BAZ2A: variants seen among roughly 807,000 people sequenced by gnomAD.
BAZ2A encodes the protein bromodomain adjacent to zinc finger domain protein 2A.
In BAZ2A, 34 loss-of-function variants were observed where a neutral mutation model predicts 199.9. That is an observed-to-expected ratio of 0.17 (90% confidence interval 0.13 to 0.23). The LOEUF is 0.23. Among genes scored for constraint, BAZ2A ranks in the 10% least tolerant of loss-of-function variants. The pLI is 1.00. For synonymous variants in BAZ2A, 857 were observed against 883.9 expected (o/e 0.97, Z 0.54); for missense variants, 2,002 against 2,391.1 (o/e 0.84, Z 3.39).
chr12:56,621,080 T>G (rs1361861205), intron 1 of BAZ2A: 2 of 985,328 alleles, frequency 2.0e-6, no homozygotes. Flanking sequence ...CAATTTCATC[T>G]GATCCTCACC....
At chr12:56,636,708 CT>C, upstream of BAZ2A, 1 of 154,174 alleles carries the variant, frequency 6.5e-6, no homozygotes, top group Non-Finnish European at 1.4e-5. Flanking sequence ...TACCCTAGGG[CT>C]TTTTCTACCA....
Position 56,599,811 on chromosome 12 carries a change from A to C in BAZ2A, c.5063T>G (p.Phe1688Cys). 2.5e-6 allele frequency: 4 copies of C among 1,613,962 alleles called. No individual in the cohort carries two copies. The highest frequency in any genetic ancestry group is 3.4e-6 in the Non-Finnish European group (4 of 1,179,864). Residue 1688 changes from phenylalanine to cysteine, a missense_variant, in exon 26 of 29, where the codon TTT (phenylalanine) becomes TGT (cysteine). Around this residue, in one of 6 missense-constraint regions of BAZ2A, gnomAD observed 1,081 missense variants for 1,274.7 expected, o/e 0.85. Transcript: ENST00000549884. ...LVCRKGDNDE[F>C]LLLCDGCDRG... ...GTCACACCCATCACAAAGCAGAAGAAACTCATCATTGTCACCCTTCCGGCA... is the reference window on the plus strand; with the variant it reads ...GTCACACCCATCACAAAGCAGAAGACACTCATCATTGTCACCCTTCCGGCA...
intron 2 of BAZ2A, 109 bp from the exon 3 acceptor site, chr12:56,615,716 G>A: frequency 2.2e-6 from 2 of 900,112 alleles, no homozygotes; most frequent in African/African-American, 3.4e-5. Flanking sequence ...GTAAAGGGAA[G>A]GGGGATTCCT....
In BAZ2A at chr12:56,601,020, A is replaced by T; in HGVS notation, c.4373T>A (p.Ile1458Asn). 6.2e-7 allele frequency: 1 copy of T among 1,610,756 alleles called. No homozygotes were observed. Among genetic ancestry groups the T allele is most frequent in the Non-Finnish European group, 8.5e-7 (1 of 1,178,538 alleles). Residue 1458 changes from isoleucine to asparagine, a missense_variant, in exon 22 of 29, where the codon ATC (isoleucine) becomes AAC (asparagine). Around this residue, in one of 6 missense-constraint regions of BAZ2A, gnomAD observed 1,081 missense variants for 1,274.7 expected, o/e 0.85. Transcript: ENST00000549884. ...AMLKALHPRG[I>N]REKALHKHLN... ...GTGTTTGTGAAGTGCCTTCTCCCGG[A>T]TACCTCGGGGGTGTAGGGCCTTGAG...
chr12:56,596,340 A>AG lies in BAZ2A; in HGVS notation c.*2277dup, dbSNP rs1482113449. 1 of 152,684 alleles carries AG rather than the reference A, an allele frequency of 6.5e-6. No individual in the cohort carries two copies. The highest frequency in any genetic ancestry group is 1.5e-5 in the Non-Finnish European group (1 of 68,056). The allele number at this position is 152,684 out of a possible 1,614,324, so 9.5% of individuals were successfully genotyped here. Reference sequence around the variant, plus strand: ...ATGAAGAGAAAATCCACCTAGCTCAAGGGGGCAGTGAAGATGAGGAAAGAA... The same window carrying AG: ...ATGAAGAGAAAATCCACCTAGCTCAAGGGGGGCAGTGAAGATGAGGAAAGAA... On this transcript the variant is annotated 3_prime_UTR_variant, in exon 29 of 29. Transcript: ENST00000549884.
At position 56,600,521 on chromosome 12, in the gene BAZ2A, T is replaced by C. The variant is rs201701011; in HGVS notation, c.4603-31A>G. 3.8e-6 allele frequency: 6 copies of C among 1,587,318 alleles called. No individual in the cohort carries two copies. The East Asian group carries it at 1.3e-4, about 36-fold the overall frequency. Reference sequence around the variant, plus strand: ...GTTAAGAGAGAGGAATAAAACTCACTGTAAAAGGAGGAAAATTTGGCATAG... The same window carrying C: ...GTTAAGAGAGAGGAATAAAACTCACCGTAAAAGGAGGAAAATTTGGCATAG... On this transcript the variant is annotated intron_variant, in intron 23 of 28. Coordinates refer to ENST00000549884, the MANE Select transcript of BAZ2A (RefSeq NM_001300905.2).
At chr12:56,632,322 T>A (rs978665292), upstream of BAZ2A, among the ~76,000 whole-genome samples, 1 of 151,990 alleles carries the variant, frequency 6.6e-6, no homozygotes, top group African/African-American at 2.4e-5. Context: ...GGGATGGGGG[T>A]GTGGGTAAGG....
chr12:56,637,963 T>C (rs74091604), upstream of BAZ2A, among the ~76,000 whole-genome samples: 543 of 152,282 alleles, frequency 3.6e-3, 3 homozygotes, highest in African/African-American at 0.012. Context: ...ATAGCCACTC[T>C]AAAAATCTAA....
In BAZ2A at chr12:56,605,965, C is replaced by A. The variant is rs763032273; in HGVS notation, c.2358G>T (p.Val786=). The change falls in exon 13 of 29, where the codon GTG becomes GTT. Residue 786 remains valine (V), a synonymous_variant. Coordinates refer to ENST00000549884, the MANE Select transcript of BAZ2A (RefSeq NM_001300905.2). ...CTTTACAGGCTGGCTTGGCTTTGGT[C>A]ACCTCCTCCTTTTCCTTCATTTTTA... ...EKVKMKEKEE[V]TKAKPACKAD... is the part of the protein sequence containing the mutation. 4.5e-6 allele frequency: 7 copies of A among 1,554,506 alleles called. No individual in the cohort carries two copies. The South Asian group carries it at 8.3e-5, about 18-fold the overall frequency.
rs895425970 is a variant in BAZ2A at position 56,595,608 on chromosome 12, G to GTGTC, written c.*3006_*3009dup. 2.0e-5 allele frequency: 3 copies of GTGTC among 151,502 alleles called. No homozygotes were observed. The highest frequency in any genetic ancestry group is 7.3e-5 in the African/African-American group (3 of 41,236). The allele number at this position is 151,502 out of a possible 1,614,324, so 9.4% of individuals were successfully genotyped here. A position where few individuals can be genotyped will look rare whatever the true frequency, so the allele number is the denominator to read the frequency against. On this transcript the variant is annotated 3_prime_UTR_variant, in exon 29 of 29. Transcript: ENST00000549884. ...ATAAAACACAAAAGTCTACGTCTTG[G>GTGTC]TGTCTTATCCGTGAGTGGGAAGTGG...
At chr12:56,629,625 G>A (rs1951228157) in intron 1 of BAZ2A, among the ~76,000 whole-genome samples, 4 of 152,064 alleles carry the variant, frequency 2.6e-5, no homozygotes, top group African/African-American at 9.7e-5. Context: ...TGCGCTCCCC[G>A]AGGGAGACAC....
intron 1 of BAZ2A, among the ~76,000 whole-genome samples, chr12:56,626,578 T>G (rs1951102517): frequency 6.6e-6 from 1 of 152,222 alleles, no homozygotes; most frequent in South Asian, 2.1e-4. Context: ...TTTTCTTTCA[T>G]CGAGAAGCTT....
At chr12:56,631,098 A>C (rs968156146), upstream of BAZ2A, among the ~76,000 whole-genome samples, 13 of 152,166 alleles carry the variant, frequency 8.5e-5, no homozygotes, top group Admixed American at 6.5e-5. Context: ...CTGTCACCTA[A>C]AATGTCCACT....
At chr12:56,600,118 C>T in intron 24 of BAZ2A, 22 bp from the exon 25 acceptor site, 1 of 1,613,564 alleles carries the variant, frequency 6.2e-7, no homozygotes, top group South Asian at 1.1e-5. Context: ...AAGTGGTGAT[C>T]TTTGGAGAAG....
chr12:56,625,834 CCACTGCACTCCAGCCTGGGCGA>C (rs1951076815), intron 1 of BAZ2A, among the ~76,000 whole-genome samples: 1 of 147,156 alleles, frequency 6.8e-6, no homozygotes, highest in South Asian at 2.2e-4. Context: ...CGAGATCGCG[CCACTGCACTCCAGCCTGGGCGA>C]CACAGCGAAA....
At chr12:56,627,504 A>G (rs2137338874) in intron 1 of BAZ2A, among the ~76,000 whole-genome samples, 1 of 150,586 alleles carries the variant, frequency 6.6e-6, no homozygotes, top group Middle Eastern at 3.4e-3. Flanking sequence ...ACAAAACTTT[A>G]TCTTTCAAAA....
In BAZ2A at chr12:56,597,623, C is replaced by T. The variant is rs935195709; in HGVS notation, c.*995G>A. The T allele has an allele frequency of 6.9e-5, 7 of 101,294 alleles. No homozygotes were observed. The highest frequency in any genetic ancestry group is 3.1e-4 in the South Asian group (1 of 3,234). The allele number at this position is 101,294 out of a possible 1,614,324, so 6.3% of individuals were successfully genotyped here. On this transcript the variant is annotated 3_prime_UTR_variant, in exon 29 of 29. Transcript: ENST00000549884. ...CTGACACACACACACACACACACAG[C>T]GCGCTCTGAGGCCGACACACACACA...
chr12:56,617,266 A>C, intron 2 of BAZ2A, 129 bp downstream of exon 2: 1 of 1,136,348 alleles, frequency 8.8e-7, no homozygotes, highest in Non-Finnish European at 1.2e-6. Flanking sequence ...GTTTCCAAAA[A>C]ACCCTAGAAC....
chr12:56,611,305 G>A, intron 7 of BAZ2A: 2 of 545,690 alleles, frequency 3.7e-6, no homozygotes, highest in Non-Finnish European at 6.5e-6. Context: ...CTAGGGTTTG[G>A]AAAAGATAAT....
Sources: gnomAD v4.1 joint callset for allele counts (sites outside exome capture counted in the v4.1 genomes callset) on GRCh38, gnomAD v4.1.1 for gene constraint, gnomAD v4.1.1 regional missense constraint, MANE v1.5 for transcripts, NCBI Gene and HGNC (gene_info 2026-07-23, HGNC 2026-07-21) for gene names.